Variants in GALNTL6 observed in about 807,000 individuals in gnomAD.
The protein encoded by GALNTL6 is polypeptide N-acetylgalactosaminyltransferase like 6.
A neutral mutation model predicts 73.7 loss-of-function variants in GALNTL6; 46 were observed. The observed-to-expected ratio is 0.62, with a 90% CI of 0.49 to 0.80. The LOEUF is 0.80. Ranked by LOEUF, GALNTL6 falls within the 30% of genes least tolerant of loss-of-function variation. GALNTL6 has a pLI of 0.00. For synonymous variants in GALNTL6, 259 were observed against 263.7 expected (o/e 0.98, Z 0.17); for missense variants, 604 against 755.0 (o/e 0.80, Z 2.34).
In GALNTL6 at chr4:171,960,572, G is replaced by A. The variant is rs146216502; in HGVS notation, c.138+145854G>A. Among the ~76,000 whole-genome samples, 160 of 151,642 alleles carry A rather than the reference G, an allele frequency of 1.1e-3. No homozygotes were observed. The East Asian group carries it at 0.021, about 20-fold the overall frequency. On this transcript the variant is annotated intron_variant, in intron 2 of 12. Transcript: ENST00000506823. ...TAGGATTACAGGTGTGAGCCACCAC[G>A]CCCTGCCAGGATAGCTTTTCAATGA... is the stretch of plus-strand genomic sequence containing the variant.
At chr4:172,450,147 G>A (rs1732158579) in intron 5 of GALNTL6, among the ~76,000 whole-genome samples, 1 of 151,450 alleles carries the variant, frequency 6.6e-6, no homozygotes, top group Non-Finnish European at 1.5e-5. Flanking sequence ...AACCCGGGAG[G>A]CAGAGGTTGC....
intron 2 of GALNTL6, among the ~76,000 whole-genome samples, chr4:172,084,769 G>A (rs990795167): frequency 7.2e-5 from 11 of 152,030 alleles, no homozygotes; most frequent in African/African-American, 2.7e-4. Context: ...TATTTCATCA[G>A]TATAATGAGT....
intron 11 of GALNTL6, among the ~76,000 whole-genome samples, chr4:173,016,136 A>G (rs1752773046): frequency 6.6e-6 from 1 of 152,196 alleles, no homozygotes; most frequent in Non-Finnish European, 1.5e-5. Flanking sequence ...ATTTCAGAGG[A>G]TGTATGGAAA....
intron 2 of GALNTL6, among the ~76,000 whole-genome samples, chr4:172,124,743 C>T (rs576470418): frequency 1.3e-5 from 2 of 152,092 alleles, no homozygotes; most frequent in Admixed American, 1.3e-4. Context: ...GGAAAGTAAA[C>T]CTAGTACTTA....
At chr4:172,096,537 A>AT (rs1277448394) in intron 2 of GALNTL6, among the ~76,000 whole-genome samples, 1 of 124,904 alleles carries the variant, frequency 8.0e-6, no homozygotes, top group Non-Finnish European at 1.7e-5. Context: ...AGCCCTTTTT[A>AT]TAAAAAAAAA....
chr4:172,472,113 G>A (rs1458415957), intron 5 of GALNTL6, among the ~76,000 whole-genome samples: 2 of 152,148 alleles, frequency 1.3e-5, no homozygotes, highest in African/African-American at 4.8e-5. Flanking sequence ...AGAAAAGGAA[G>A]GGAAACCTCT....
intron 10 of GALNTL6, among the ~76,000 whole-genome samples, chr4:172,981,059 A>G (rs1253638064): frequency 1.3e-5 from 2 of 152,170 alleles, no homozygotes; most frequent in Non-Finnish European, 2.9e-5. Flanking sequence ...ATAATACTCC[A>G]TTGAATGTAT....
chr4:172,777,416 C>A (rs1234912086), intron 5 of GALNTL6, among the ~76,000 whole-genome samples: 1 of 152,040 alleles, frequency 6.6e-6, no homozygotes, highest in African/African-American at 2.4e-5. Flanking sequence ...ACCTCTCTGA[C>A]CTTAGATATA....
At chr4:172,036,044 A>G (rs558748775) in intron 2 of GALNTL6, among the ~76,000 whole-genome samples, 18 of 152,128 alleles carry the variant, frequency 1.2e-4, no homozygotes, top group South Asian at 4.1e-4. Context: ...AACCCCAGAC[A>G]TTTAATAATT....
intron 5 of GALNTL6, among the ~76,000 whole-genome samples, chr4:172,734,726 G>T (rs1736354893): frequency 6.6e-6 from 1 of 151,860 alleles, no homozygotes; most frequent in Admixed American, 6.6e-5. Context: ...TGGATCACAG[G>T]CCCAGAGGTC....
intron 5 of GALNTL6, among the ~76,000 whole-genome samples, chr4:172,364,303 C>T (rs774861535): frequency 1.3e-5 from 2 of 152,044 alleles, no homozygotes; most frequent in Admixed American, 1.3e-4. Flanking sequence ...CACTTGTAGT[C>T]CTAGTTACTC....
chr4:172,176,332 C>T (rs774068402), intron 2 of GALNTL6, among the ~76,000 whole-genome samples: 6 of 1,188 alleles, frequency 5.1e-3, no homozygotes, highest in Non-Finnish European at 8.1e-3. Flanking sequence ...AGCGAGACTC[C>T]GTCTCAAAAA....
intron 11 of GALNTL6, among the ~76,000 whole-genome samples, chr4:173,013,922 G>C (rs956870048): frequency 5.3e-5 from 8 of 152,050 alleles, no homozygotes; most frequent in African/African-American, 1.9e-4. Context: ...TCTACATTTA[G>C]ATTAAAATTC....
At chr4:172,417,730 C>CT in intron 5 of GALNTL6, among the ~76,000 whole-genome samples, 1 of 152,218 alleles carries the variant, frequency 6.6e-6, no homozygotes, top group East Asian at 1.9e-4. Context: ...TTGTTCTTGA[C>CT]TTTTTGTATG....
At chr4:172,026,647 A>G (rs2110811806) in intron 2 of GALNTL6, among the ~76,000 whole-genome samples, 1 of 152,244 alleles carries the variant, frequency 6.6e-6, no homozygotes, top group Non-Finnish European at 1.5e-5. Context: ...GCATTGTAAT[A>G]CACATTAGGC....
chr4:172,501,797 A>G (rs558543622), intron 5 of GALNTL6, among the ~76,000 whole-genome samples: 39 of 152,310 alleles, frequency 2.6e-4, no homozygotes, highest in African/African-American at 8.9e-4. Flanking sequence ...CAAAATATGT[A>G]TAAGCCTCCT....
At chr4:171,962,862 G>T (rs1739267052) in intron 2 of GALNTL6, among the ~76,000 whole-genome samples, 1 of 140,208 alleles carries the variant, frequency 7.1e-6, no homozygotes, top group South Asian at 2.2e-4. Flanking sequence ...GAAACCTCCG[G>T]GTTCAAGCGA....
intron 5 of GALNTL6, among the ~76,000 whole-genome samples, chr4:172,544,113 C>T (rs1735669844): frequency 6.6e-6 from 1 of 152,150 alleles, no homozygotes; most frequent in African/African-American, 2.4e-5. Flanking sequence ...TCTCTGGTGG[C>T]TACAGAAAGC....
intron 5 of GALNTL6, among the ~76,000 whole-genome samples, chr4:172,518,703 A>G (rs986862010): frequency 1.3e-5 from 2 of 151,962 alleles, no homozygotes; most frequent in Non-Finnish European, 1.5e-5. Flanking sequence ...TACCTAAACA[A>G]CTTTTGAAAT....
Sources: allele counts gnomAD v4.1 joint callset (sites outside exome capture counted in the v4.1 genomes callset), GRCh38; gene constraint gnomAD v4.1.1; transcripts MANE v1.5; gene names NCBI Gene and HGNC (gene_info 2026-07-23, HGNC 2026-07-21).